Variants in SCN2A observed in about 807,000 individuals in gnomAD.
SCN2A encodes sodium voltage-gated channel alpha subunit 2, also known as sodium channel protein type 2 subunit alpha.
In SCN2A, 20 loss-of-function variants were observed where a neutral mutation model predicts 188.7. That is an observed-to-expected ratio of 0.11 (90% CI 0.07 to 0.15). The LOEUF is 0.15. Ranked by LOEUF, SCN2A falls within the 10% of genes least tolerant of loss-of-function variation. The pLI, the probability that SCN2A is intolerant of heterozygous loss-of-function variation, is 1.00. For synonymous variants in SCN2A, 804 were observed against 833.1 expected (o/e 0.97, Z 0.60); for missense variants, 1,278 against 2,445.0 (o/e 0.52, Z 10.07).
intron 3 of SCN2A, 122 bp downstream of exon 3, chr2:165,297,257 A>G: frequency 3.0e-6 from 2 of 665,840 alleles, no homozygotes; most frequent in Non-Finnish European, 5.5e-6. Context: ...CTTTCCTTTT[A>G]CTCAATCGTT....
At chr2:165,273,851 A>C (rs1192845669) in intron 1 of SCN2A, 1 of 152,154 alleles carries the variant, frequency 6.6e-6, no homozygotes, top group Non-Finnish European at 1.5e-5. Context: ...AATATATAGA[A>C]TGCAAATGGT....
At chr2:165,327,680 T>A (rs1698434948) in intron 13 of SCN2A, 1 of 152,688 alleles carries the variant, frequency 6.5e-6, no homozygotes, top group Non-Finnish European at 1.5e-5. Context: ...TGATGATGTT[T>A]AGGCATAAGG....
At chr2:165,302,866 A>G (rs192607154) in intron 3 of SCN2A, among the ~76,000 whole-genome samples, 3 of 152,340 alleles carry the variant, frequency 2.0e-5, no homozygotes, top group Admixed American at 1.3e-4. Context: ...GTGTTTCTTC[A>G]TAATATACAC....
intron 16 of SCN2A, among the ~76,000 whole-genome samples, chr2:165,352,700 A>G (rs575076490): frequency 1.3e-5 from 2 of 152,190 alleles, no homozygotes; most frequent in Non-Finnish European, 2.9e-5. Context: ...GAACTAAATT[A>G]TTAAAAATAT....
In SCN2A at chr2:165,315,485, C is replaced by T. The variant is rs373430899; in HGVS notation, c.1398C>T (p.Ala466=). ...QQEEAQAAAA[A]ASAESRDFSG... The stretch of plus-strand genomic sequence containing the variant: ...CGCCCTTCTAGGCGGCAGCTGCAGC[C>T]GCATCTGCTGAATCAAGAGACTTCA... The change falls in exon 11 of 27, where the codon GCC becomes GCT. Residue 466 remains alanine (A), a synonymous_variant. Coordinates refer to ENST00000375437, the MANE Select transcript of SCN2A (RefSeq NM_001040142.2). The T allele has an allele frequency of 2.1e-5, 34 of 1,613,590 alleles. No homozygotes were observed. The highest frequency in any genetic ancestry group is 8.8e-5 in the South Asian group (8 of 91,052).
chr2:165,277,081 T>C (rs1559331983), intron 1 of SCN2A, among the ~76,000 whole-genome samples: 2 of 152,160 alleles, frequency 1.3e-5, no homozygotes, highest in Non-Finnish European at 2.9e-5. Flanking sequence ...TAGTTTAATT[T>C]TGTCTTCATT....
chr2:165,272,764 TCACACACACACACACACACACACA>T (rs71912251), intron 1 of SCN2A: 6 of 148,332 alleles, frequency 4.0e-5, no homozygotes, highest in Non-Finnish European at 9.0e-5. Context: ...AAGAGGGAAA[TCACACACACACACACACACACACA>T]CACACACACA....
In SCN2A at chr2:165,389,936, A is replaced by G; in HGVS notation, c.*112A>G. 1 of 1,501,098 alleles carries G rather than the reference A, an allele frequency of 6.7e-7. No individual in the cohort carries two copies. The highest frequency in any genetic ancestry group is 8.8e-7 in the Non-Finnish European group (1 of 1,130,902). The allele number at this position is 1,501,098 out of a possible 1,614,324, so 93.0% of individuals were successfully genotyped here. A position where few individuals can be genotyped will look rare whatever the true frequency, so the allele number is the denominator to read the frequency against. ...GGTCTATGCCAAACTGACTGTTTTT[A>G]CAAATGTATACTTAAGGTCAGTGCC... On this transcript the variant is annotated 3_prime_UTR_variant, in exon 27 of 27. Coordinates refer to ENST00000375437, the MANE Select transcript of SCN2A (RefSeq NM_001040142.2). The surrounding 1 kb of genome is among the most constrained non-coding windows in gnomAD (Gnocchi z 4.2).
intron 6 of SCN2A, among the ~76,000 whole-genome samples, chr2:165,309,959 C>G (rs980319537): frequency 6.6e-6 from 1 of 152,078 alleles, no homozygotes; most frequent in African/African-American, 2.4e-5. Flanking sequence ...TTCACATAGA[C>G]TTTTCTAAAA....
intron 6 of SCN2A, 32 bp from the exon 7 acceptor site, chr2:165,310,291 A>T: frequency 3.1e-6 from 5 of 1,612,508 alleles, no homozygotes; most frequent in Non-Finnish European, 4.2e-6. Flanking sequence ...TGAGTAGTAT[A>T]TTTAAATTCC....
intron 13 of SCN2A, among the ~76,000 whole-genome samples, chr2:165,329,196 G>A (rs1268261867): frequency 6.6e-6 from 1 of 151,988 alleles, no homozygotes; most frequent in Admixed American, 6.6e-5. Context: ...CAGGGTAATG[G>A]ATAGCCTCAT....
chr2:165,257,483 T>A (rs917571113), intron 1 of SCN2A, among the ~76,000 whole-genome samples: 1 of 152,160 alleles, frequency 6.6e-6, no homozygotes, highest in Admixed American at 6.5e-5. Context: ...TGAGATGGTA[T>A]CTCATTGTGG....
chr2:165,256,030 G>A (rs1209385824), intron 1 of SCN2A, among the ~76,000 whole-genome samples: 2 of 114,752 alleles, frequency 1.7e-5, no homozygotes, highest in Admixed American at 2.1e-4. Flanking sequence ...TGGTGATGGA[G>A]TCTCTCGCTC....
chr2:165,249,878 T>C (rs954251988), intron 1 of SCN2A, among the ~76,000 whole-genome samples: 1 of 152,054 alleles, frequency 6.6e-6, no homozygotes, highest in Non-Finnish European at 1.5e-5. Context: ...GAAAAAAAAT[T>C]CCACTGAATA....
intron 18 of SCN2A, 93 bp downstream of exon 18, chr2:165,365,356 C>A: frequency 7.2e-7 from 1 of 1,386,524 alleles, no homozygotes; most frequent in Non-Finnish European, 1.0e-6. Flanking sequence ...TGTCTACCAT[C>A]TATTATCTAT....
intron 10 of SCN2A, among the ~76,000 whole-genome samples, 154 bp from the exon 11 acceptor site, chr2:165,315,317 G>C (rs1022427723): frequency 6.6e-6 from 1 of 152,096 alleles, no homozygotes; most frequent in African/African-American, 2.4e-5. Flanking sequence ...TCTTTGATTG[G>C]TCTAATAACA....
At chr2:165,263,942 C>G (rs1694723970) in intron 1 of SCN2A, among the ~76,000 whole-genome samples, 1 of 151,354 alleles carries the variant, frequency 6.6e-6, no homozygotes, top group South Asian at 2.1e-4. Flanking sequence ...TGATTCTCAG[C>G]TTGGCCACTG....
intron 1 of SCN2A, among the ~76,000 whole-genome samples, chr2:165,258,498 G>A (rs895592870): frequency 6.6e-6 from 1 of 152,154 alleles, no homozygotes; most frequent in African/African-American, 2.4e-5. Flanking sequence ...TTGTAAATTA[G>A]TTCAGCAATT....
chr2:165,309,659 T>C (rs1440575373), intron 6 of SCN2A, among the ~76,000 whole-genome samples: 1 of 152,174 alleles, frequency 6.6e-6, no homozygotes, highest in Non-Finnish European at 1.5e-5. Flanking sequence ...TTAACAAGTG[T>C]TGCATGAGGC....
Sources: allele counts gnomAD v4.1 joint callset (sites outside exome capture counted in the v4.1 genomes callset), GRCh38; gene constraint gnomAD v4.1.1; non-coding constraint Gnocchi (gnomAD v3.1); transcripts MANE v1.5; gene names NCBI Gene and HGNC (gene_info 2026-07-23, HGNC 2026-07-21).